Variants in FER1L6 observed in about 807,000 individuals in gnomAD.
FER1L6 encodes the protein fer-1 like family member 6.
A neutral mutation model predicts 219.2 loss-of-function variants in FER1L6; 177 were observed. The observed-to-expected ratio is 0.81, with a 90% CI of 0.71 to 0.91. FER1L6 has a LOEUF of 0.91. Among genes scored for constraint, FER1L6 ranks in the 40% least tolerant of loss-of-function variants. The pLI, the probability that FER1L6 is intolerant of heterozygous loss-of-function variation, is 0.00. For synonymous variants in FER1L6, 768 were observed against 824.3 expected (o/e 0.93, Z 1.17); for missense variants, 2,153 against 2,259.9 (o/e 0.95, Z 0.96).
intron 1 of FER1L6, among the ~76,000 whole-genome samples, chr8:123,899,729 A>C (rs1382931916): frequency 6.6e-6 from 1 of 152,092 alleles, no homozygotes; most frequent in Non-Finnish European, 1.5e-5. Flanking sequence ...TGGCTAGCCA[A>C]TTATCCCAGC....
chr8:123,951,299 A>G (rs1243107664), intron 1 of FER1L6, among the ~76,000 whole-genome samples: 3 of 152,222 alleles, frequency 2.0e-5, no homozygotes, highest in Non-Finnish European at 2.9e-5. Flanking sequence ...AGCTACCCCC[A>G]TATGGATTAG....
intron 22 of FER1L6, among the ~76,000 whole-genome samples, chr8:124,056,039 G>A (rs935290185): frequency 2.6e-5 from 4 of 152,042 alleles, no homozygotes; most frequent in East Asian, 1.9e-4. Flanking sequence ...TCCTGCTGCT[G>A]CCTCATAAGG....
chr8:123,902,310 A>T (rs1812874297), intron 1 of FER1L6, among the ~76,000 whole-genome samples: 1 of 152,084 alleles, frequency 6.6e-6, no homozygotes, highest in Non-Finnish European at 1.5e-5. Context: ...TTCTGTATAT[A>T]TCTGTTAAGT....
intron 1 of FER1L6, among the ~76,000 whole-genome samples, chr8:123,897,080 G>C (rs1812759422): frequency 6.6e-6 from 1 of 152,078 alleles, no homozygotes; most frequent in Non-Finnish European, 1.5e-5. Flanking sequence ...CATGTGAAAA[G>C]AGTAAATTCC....
intron 13 of FER1L6, among the ~76,000 whole-genome samples, chr8:124,006,793 C>T (rs1227536972): frequency 1.3e-5 from 2 of 152,126 alleles, no homozygotes; most frequent in African/African-American, 4.8e-5. Flanking sequence ...CCATCTGCTG[C>T]CCTCCAGCTG....
intron 13 of FER1L6, among the ~76,000 whole-genome samples, chr8:124,005,509 C>T (rs1817618081): frequency 6.6e-6 from 1 of 152,224 alleles, no homozygotes; most frequent in Non-Finnish European, 1.5e-5. Context: ...AGCCCAATTC[C>T]ATTCCCTGAA....
At chr8:123,965,635 T>G (rs971117193) in intron 3 of FER1L6, among the ~76,000 whole-genome samples, 1 of 152,382 alleles carries the variant, frequency 6.6e-6, no homozygotes, top group East Asian at 1.9e-4. Context: ...AGTTCCTTAT[T>G]TAGACCCAGC....
At chr8:123,908,062 A>G (rs183963907) in intron 1 of FER1L6, among the ~76,000 whole-genome samples, 1 of 152,282 alleles carries the variant, frequency 6.6e-6, no homozygotes, top group African/African-American at 2.4e-5. Flanking sequence ...CAAGCACCAT[A>G]CCTGATAAAC....
chr8:124,041,634 C>T (rs1819503800), intron 20 of FER1L6, among the ~76,000 whole-genome samples: 1 of 152,160 alleles, frequency 6.6e-6, no homozygotes, highest in Non-Finnish European at 1.5e-5. Flanking sequence ...CAGGGCTGTA[C>T]AGAGTCCTAC....
chr8:124,100,961 T>G (rs1325897771), intron 37 of FER1L6, 136 bp from the exon 38 acceptor site: 1 of 850,268 alleles, frequency 1.2e-6, no homozygotes, highest in Non-Finnish European at 1.8e-6. Flanking sequence ...AAATGGAAAC[T>G]TCCAACTGAA....
intron 39 of FER1L6, among the ~76,000 whole-genome samples, chr8:124,113,620 A>ATGTAC (rs1823109568): frequency 6.6e-6 from 1 of 152,200 alleles, no homozygotes; most frequent in Admixed American, 6.5e-5. Flanking sequence ...ATCATGGTTT[A>ATGTAC]TGTACTGCTT....
chr8:123,971,491 G>T (rs1002601953), intron 6 of FER1L6, among the ~76,000 whole-genome samples: 8 of 152,194 alleles, frequency 5.3e-5, no homozygotes, highest in African/African-American at 1.9e-4. Context: ...TTTTTATATT[G>T]TGCCATAGAC....
intron 39 of FER1L6, among the ~76,000 whole-genome samples, chr8:124,108,989 G>C (rs1163470912): frequency 6.6e-6 from 1 of 152,172 alleles, no homozygotes; most frequent in African/African-American, 2.4e-5. Context: ...TGGCCATGAT[G>C]ATGAATTTTC....
chr8:123,975,974 G>A lies in FER1L6; in HGVS notation c.760G>A (p.Gly254Arg), dbSNP rs1393283189. 3 of 1,613,840 alleles carry A rather than the reference G, an allele frequency of 1.9e-6. No individual in the cohort carries two copies. The highest frequency in any genetic ancestry group is 2.5e-6 in the Non-Finnish European group (3 of 1,179,880). Residue 254 changes from glycine (G) to arginine (R), a missense_variant, in exon 9 of 41, where the codon GGG becomes AGG. Physicochemically the swap from Gly to Arg is moderately radical, Grantham distance 125 (BLOSUM62 -2). Transcript: ENST00000522917. ...RFYVRLYKAE[G>R]LPKMNSSIMA... ...CTATGTGAGACTCTACAAAGCAGAAGGGTTGCCCAAAATGAATTCAAGCAT... is the reference window on the plus strand; with the variant it reads ...CTATGTGAGACTCTACAAAGCAGAAAGGTTGCCCAAAATGAATTCAAGCAT...
At chr8:123,928,150 A>G (rs936224506) in intron 1 of FER1L6, among the ~76,000 whole-genome samples, 2 of 152,246 alleles carry the variant, frequency 1.3e-5, no homozygotes, top group Non-Finnish European at 2.9e-5. Flanking sequence ...CAAAAGTAAC[A>G]TAGATGAATA....
chr8:123,967,792 C>T (rs968558685), intron 5 of FER1L6, among the ~76,000 whole-genome samples: 10 of 152,076 alleles, frequency 6.6e-5, no homozygotes, highest in Non-Finnish European at 1.0e-4. Context: ...CCCATCTCTA[C>T]TAAAAATACA....
chr8:123,996,002 T>C (rs10110033), intron 12 of FER1L6, among the ~76,000 whole-genome samples: 8,204 of 152,268 alleles, frequency 0.054, 535 homozygotes, highest in African/African-American at 0.16. Context: ...AGTCTTATTC[T>C]ATTGTAATCA....
chr8:123,923,197 A>C (rs1813428361), intron 1 of FER1L6, among the ~76,000 whole-genome samples: 1 of 152,266 alleles, frequency 6.6e-6, no homozygotes, highest in South Asian at 2.1e-4. Flanking sequence ...TGTCTGAATC[A>C]GACAGCAAGA....
At chr8:123,965,621 TG>T (rs1815502568) in intron 3 of FER1L6, among the ~76,000 whole-genome samples, 1 of 152,234 alleles carries the variant, frequency 6.6e-6, no homozygotes, top group Non-Finnish European at 1.5e-5. Flanking sequence ...GGCAGGAGAC[TG>T]GGAGTTCCTT....
Sources: allele counts gnomAD v4.1 joint callset (sites outside exome capture counted in the v4.1 genomes callset), GRCh38; gene constraint gnomAD v4.1.1; transcripts MANE v1.5; gene names NCBI Gene and HGNC (gene_info 2026-07-23, HGNC 2026-07-21).